DNM3: variants seen among roughly 807,000 people sequenced by gnomAD.
DNM3 encodes dynamin-3.
DNM3 carries 47 observed loss-of-function variants against 101.6 expected under a neutral mutation model. The observed-to-expected ratio is 0.46, with a 90% CI of 0.37 to 0.59. DNM3 has a LOEUF of 0.59. Ranked by LOEUF, DNM3 falls within the 20% of genes least tolerant of loss-of-function variation. The probability of loss-of-function intolerance (pLI) is 0.00; values close to 1 mark genes in which losing one functional copy is unlikely to be tolerated. For missense variants in DNM3, 849 were observed against 1,085.7 expected, an observed-to-expected ratio of 0.78 and a Z score of 3.06; for synonymous variants, 385 against 387.9, an observed-to-expected ratio of 0.99 and a Z score of 0.09.
At chr1:172,266,319 C>T (rs1454254451) in intron 15 of DNM3, among the ~76,000 whole-genome samples, 1 of 151,924 alleles carries the variant, frequency 6.6e-6, no homozygotes, top group Non-Finnish European at 1.5e-5. Flanking sequence ...AAGATCATGT[C>T]TCAATTGGAT....
intron 2 of DNM3, among the ~76,000 whole-genome samples, chr1:171,948,493 C>A (rs1345210088): frequency 1.3e-5 from 2 of 152,040 alleles, no homozygotes; most frequent in Non-Finnish European, 2.9e-5. Context: ...GTCAAATGGC[C>A]AATGCCAAGG....
intron 1 of DNM3, among the ~76,000 whole-genome samples, chr1:171,852,123 A>G (rs2033047734): frequency 6.6e-6 from 1 of 152,244 alleles, no homozygotes; most frequent in Non-Finnish European, 1.5e-5. Context: ...TAATTGAAAA[A>G]GTGATATGTA....
At chr1:172,115,310 C>T (rs1234265023) in intron 13 of DNM3, among the ~76,000 whole-genome samples, 1 of 152,146 alleles carries the variant, frequency 6.6e-6, no homozygotes, top group East Asian at 1.9e-4. Flanking sequence ...GACCACTTCT[C>T]TCTCTGCCCA....
At chr1:172,188,788 A>C (rs542746803) in intron 14 of DNM3, among the ~76,000 whole-genome samples, 34 of 152,212 alleles carry the variant, frequency 2.2e-4, no homozygotes, top group Non-Finnish European at 4.4e-4. Flanking sequence ...ATCATTTTGC[A>C]TTCCTTCCAG....
At chr1:172,345,304 G>A (rs1573546119) in intron 17 of DNM3, among the ~76,000 whole-genome samples, 2 of 152,158 alleles carry the variant, frequency 1.3e-5, no homozygotes, top group Admixed American at 6.5e-5. Flanking sequence ...TTTCTCAGCT[G>A]TGTCTTGCTT....
At chr1:171,990,755 T>C (rs1191701009) in intron 4 of DNM3, among the ~76,000 whole-genome samples, 3 of 152,118 alleles carry the variant, frequency 2.0e-5, no homozygotes, top group Admixed American at 6.5e-5. Flanking sequence ...CTTAGGCCTT[T>C]CCAGAATTCT....
intron 7 of DNM3, 104 bp downstream of exon 7, chr1:172,038,565 C>T: frequency 7.4e-7 from 1 of 1,356,092 alleles, no homozygotes. Flanking sequence ...AGCAAGTAAA[C>T]TATATGAGGC....
chr1:171,942,480 A>G (rs1382017885), intron 2 of DNM3, among the ~76,000 whole-genome samples: 1 of 152,202 alleles, frequency 6.6e-6, no homozygotes, highest in Non-Finnish European at 1.5e-5. Context: ...ACACCAGTGC[A>G]AAGGGAAATA....
chr1:172,007,781 A>G (rs1040316787), intron 4 of DNM3, among the ~76,000 whole-genome samples: 1 of 151,954 alleles, frequency 6.6e-6, no homozygotes, highest in East Asian at 1.9e-4. Flanking sequence ...TAATTTATTT[A>G]TTTGAGACAG....
intron 4 of DNM3, among the ~76,000 whole-genome samples, chr1:172,018,547 G>A (rs1415381949): frequency 1.6e-4 from 24 of 152,022 alleles, no homozygotes; most frequent in Non-Finnish European, 2.9e-5. Context: ...GACTTATTAT[G>A]GTGTGATGTC....
chr1:172,205,119 G>A (rs2060281025), intron 14 of DNM3, among the ~76,000 whole-genome samples: 2 of 152,080 alleles, frequency 1.3e-5, no homozygotes, highest in African/African-American at 4.8e-5. Flanking sequence ...GATGTAAAAT[G>A]TACTTCTGAT....
intron 1 of DNM3, among the ~76,000 whole-genome samples, chr1:171,865,515 CAAAAAAAAAAAAA>C (rs57826674): frequency 2.5e-5 from 2 of 80,664 alleles, no homozygotes; most frequent in Admixed American, 1.7e-4. Flanking sequence ...GATCCTGTCT[CAAAAAAAAAAAAA>C]AAAAAAAAAA....
At chr1:171,960,619 C>T (rs1388750230) in intron 2 of DNM3, among the ~76,000 whole-genome samples, 1 of 151,976 alleles carries the variant, frequency 6.6e-6, no homozygotes, top group Admixed American at 6.6e-5. Context: ...GAGGGTGGAA[C>T]TGATGATTTC....
In DNM3 at chr1:172,411,536, A is replaced by AG. The variant is rs1349192967; in HGVS notation, c.*3696dup. ...ATAGTCATTTTTCCTCTATGGTAGA[A>AG]GTAAAAAAAAAAAAAAAGGACATAG... On this transcript the variant is annotated 3_prime_UTR_variant, in exon 21 of 21. Transcript: ENST00000627582. The AG allele has an allele frequency of 1.0e-6, 1 of 969,354 alleles. No individual in the cohort carries two copies. The highest frequency in any genetic ancestry group is 1.8e-5 in the African/African-American group (1 of 55,742). The allele number at this position is 969,354 out of a possible 1,614,324, so 60.0% of individuals were successfully genotyped here. A position where few individuals can be genotyped will look rare whatever the true frequency, so the allele number is the denominator to read the frequency against.
intron 20 of DNM3, among the ~76,000 whole-genome samples, chr1:172,389,543 A>G (rs1387591987): frequency 3.3e-5 from 5 of 152,226 alleles, no homozygotes; most frequent in Non-Finnish European, 5.9e-5. Flanking sequence ...CAGTCAAAAT[A>G]TACACAATGA....
chr1:172,218,631 A>G (rs2060792314), intron 14 of DNM3, among the ~76,000 whole-genome samples: 1 of 152,154 alleles, frequency 6.6e-6, no homozygotes, highest in Non-Finnish European at 1.5e-5. Context: ...ATTCTAAAAA[A>G]AATCTGAATT....
chr1:172,284,540 C>G (rs1305860024), intron 15 of DNM3, among the ~76,000 whole-genome samples: 1 of 152,130 alleles, frequency 6.6e-6, no homozygotes, highest in Non-Finnish European at 1.5e-5. Context: ...AAGGGCCTAG[C>G]ACAATGCCTG....
At chr1:171,982,421 T>G (rs959395902) in intron 2 of DNM3, among the ~76,000 whole-genome samples, 46 of 152,188 alleles carry the variant, frequency 3.0e-4, no homozygotes, top group African/African-American at 1.1e-3. Context: ...AGCCCTTTCC[T>G]GAAAAGCCAG....
At chr1:172,078,519 G>A (rs538171608) in intron 11 of DNM3, among the ~76,000 whole-genome samples, 2 of 148,610 alleles carry the variant, frequency 1.3e-5, no homozygotes, top group Non-Finnish European at 3.0e-5. Flanking sequence ...GTGTGTCTTT[G>A]CATATGAGAT....
Sources: gnomAD v4.1 joint callset for allele counts (sites outside exome capture counted in the v4.1 genomes callset) on GRCh38, gnomAD v4.1.1 for gene constraint, MANE v1.5 for transcripts, NCBI Gene and HGNC (gene_info 2026-07-23, HGNC 2026-07-21) for gene names.